VPS13C: variants seen among roughly 807,000 people sequenced by gnomAD.
VPS13C encodes intermembrane lipid transfer protein VPS13C.
A neutral mutation model predicts 456.8 loss-of-function variants in VPS13C; 358 were observed. The observed-to-expected ratio is 0.78, with a 90% CI of 0.72 to 0.86. VPS13C has a LOEUF of 0.86. Ranked by LOEUF, VPS13C falls within the 40% of genes least tolerant of loss-of-function variation. The probability of loss-of-function intolerance (pLI) is 0.00; values close to 1 mark genes in which losing one functional copy is unlikely to be tolerated. For missense variants in VPS13C, 4,818 were observed against 4,385.4 expected (o/e 1.10, Z -2.79); for synonymous variants, 1,578 against 1,486.7 (o/e 1.06, Z -1.41).
At chr15:62,021,038 C>A (rs916003638) in intron 8 of VPS13C, among the ~76,000 whole-genome samples, 1 of 151,778 alleles carries the variant, frequency 6.6e-6, no homozygotes, top group African/African-American at 2.4e-5. Context: ...TGAAACAACC[C>A]AGAAGCAGAA....
intron 9 of VPS13C, among the ~76,000 whole-genome samples, chr15:62,016,861 T>C (rs1311918196): frequency 1.3e-5 from 2 of 152,182 alleles, no homozygotes; most frequent in Non-Finnish European, 2.9e-5. Context: ...TCTTCCACAA[T>C]GGTTGAACTA....
Position 61,949,439 on chromosome 15 carries a change from T to C in VPS13C, c.4759+4A>G. 2.5e-6 allele frequency: 4 copies of C among 1,603,702 alleles called. No individual in the cohort carries two copies. In the South Asian group the frequency reaches 3.4e-5, roughly 14 times the overall value. On this transcript the variant is annotated splice_donor_region_variant and intron_variant, in intron 42 of 84. Coordinates refer to ENST00000644861, the MANE Select transcript of VPS13C (RefSeq NM_020821.3). ...TTATTAGATCATAATTCAAAAATTA[T>C]TACCAGCTTTGACAGCGATACTTCT...
intron 82 of VPS13C, among the ~76,000 whole-genome samples, chr15:61,860,953 C>CTTTTTTTTT (rs781045840): frequency 2.2e-5 from 2 of 89,690 alleles, no homozygotes; most frequent in African/African-American, 4.2e-5. Flanking sequence ...TATTTTCTTT[C>CTTTTTTTTT]TTTTTTTTTT....
chr15:61,908,903 A>G lies in VPS13C; in HGVS notation c.8978+89T>C. ...GTTCCATATCACCTTTCTAAAATCT[A>G]AAAACATTTTGAATATGAAACCAAA... On this transcript the variant is annotated intron_variant, in intron 65 of 84. Transcript: ENST00000644861. 2.0e-6 allele frequency: 3 copies of G among 1,480,152 alleles called. No individual in the cohort carries two copies. In the South Asian group the frequency reaches 4.0e-5, roughly 20 times the overall value. The allele number at this position is 1,480,152 out of a possible 1,614,324, so 91.7% of individuals were successfully genotyped here.
chr15:61,974,288 C>G lies in VPS13C; in HGVS notation c.2538G>C (p.Gln846His), dbSNP rs148595535. Residue 846 changes from glutamine (Q) to histidine (H), a missense_variant and splice_region_variant, in exon 25 of 85, where the codon CAG becomes CAC. This residue lies in a region of VPS13C where 4,552 missense variants were observed against 4,130.6 expected (regional missense o/e 1.10). Transcript: ENST00000644861. ...TATACATTTTATTGTATCTATTTAC[C>G]TGTCTCTCTGGAGACTGGGCTGATG... ...QKSSAQSPER[Q>H]VSSIPIISGG... 3.1e-6 allele frequency: 5 copies of G among 1,609,788 alleles called. No homozygotes were observed. The African/African-American group carries it at 5.3e-5, about 17-fold the overall frequency.
At chr15:62,047,909 A>T (rs2048472729) in intron 1 of VPS13C, among the ~76,000 whole-genome samples, 1 of 152,152 alleles carries the variant, frequency 6.6e-6, no homozygotes, top group South Asian at 2.1e-4. Context: ...GATAAAAAAG[A>T]TTTCATTTTC....
At chr15:61,903,073 C>T (rs1390434900) in intron 66 of VPS13C, among the ~76,000 whole-genome samples, 1 of 151,998 alleles carries the variant, frequency 6.6e-6, no homozygotes, top group East Asian at 1.9e-4. Flanking sequence ...TGCCTGCAAT[C>T]CTAGCACTTT....
chr15:61,967,221 T>C (rs898140566), intron 29 of VPS13C, 147 bp downstream of exon 29: 5 of 654,934 alleles, frequency 7.6e-6, no homozygotes, highest in Non-Finnish European at 1.0e-5. Flanking sequence ...GAAAAGAAGG[T>C]GTACAAATGA....
At chr15:61,913,276 C>A in intron 62 of VPS13C, 35 bp downstream of exon 62, 1 of 1,577,726 alleles carries the variant, frequency 6.3e-7, no homozygotes, top group Non-Finnish European at 8.7e-7. Context: ...CAAAGGTGAA[C>A]GGAATCAAAG....
intron 49 of VPS13C, among the ~76,000 whole-genome samples, chr15:61,931,503 T>C (rs1193024508): frequency 1.3e-5 from 2 of 151,984 alleles, no homozygotes; most frequent in Admixed American, 6.6e-5. Context: ...ATTTATCTGA[T>C]TTACAGTTTA....
Position 61,964,946 on chromosome 15 carries a change from T to C in VPS13C, c.3052-85A>G, listed in dbSNP as rs2045332808. On this transcript the variant is annotated intron_variant, in intron 30 of 84. Transcript: ENST00000644861. ...ACGACAGACCCAAAAGATTCTCAGG[T>C]GGGCTTACATCATTGCTTTCCACCA... 11 of 1,279,096 alleles carry C rather than the reference T, an allele frequency of 8.6e-6. 1 individual carries two copies. The Middle Eastern group carries it at 6.2e-4, about 72-fold the overall frequency. The allele number at this position is 1,279,096 out of a possible 1,614,324, so 79.2% of individuals were successfully genotyped here. A position where few individuals can be genotyped will look rare whatever the true frequency, so the allele number is the denominator to read the frequency against.
intron 64 of VPS13C, 148 bp from the exon 65 acceptor site, chr15:61,909,273 T>C (rs2140140790): frequency 2.1e-6 from 2 of 948,370 alleles, no homozygotes; most frequent in Non-Finnish European, 1.5e-6. Flanking sequence ...AGTGGCGCCA[T>C]CTCGGGTTAC....
chr15:62,044,403 A>T, intron 1 of VPS13C, 148 bp from the exon 2 acceptor site: 1 of 493,948 alleles, frequency 2.0e-6, no homozygotes, highest in Non-Finnish European at 3.6e-6. Flanking sequence ...CCCGGCACAA[A>T]ATAGTTGCTA....
At chr15:62,037,588 C>A (rs1029488724) in intron 3 of VPS13C, among the ~76,000 whole-genome samples, 1 of 134,752 alleles carries the variant, frequency 7.4e-6, no homozygotes, top group African/African-American at 2.6e-5. Flanking sequence ...CAATTTCAAT[C>A]TATGTTCCAA....
chr15:62,032,129 T>A (rs545729422), intron 5 of VPS13C, among the ~76,000 whole-genome samples: 1 of 151,828 alleles, frequency 6.6e-6, no homozygotes, highest in East Asian at 1.9e-4. Context: ...ATGATGAATA[T>A]ACATATGTTA....
intron 16 of VPS13C, among the ~76,000 whole-genome samples, chr15:61,999,305 G>A (rs901859475): frequency 6.6e-6 from 1 of 151,886 alleles, no homozygotes; most frequent in African/African-American, 2.4e-5. Context: ...CTTGAAACCT[G>A]GGAGGTAGAG....
rs774461555 is a variant in VPS13C, at chr15:61,919,496, A to G, written c.7478-47T>C. On this transcript the variant is annotated intron_variant, in intron 57 of 84. Transcript: ENST00000644861. ...AAGAATTCCAAATATTAATTTGCCA[A>G]TGTTTCTCTATAACAATCATTAGTA... The G allele has an allele frequency of 6.2e-6, 9 of 1,445,758 alleles. 1 individual carries two copies. In the Admixed American group the frequency reaches 2.2e-4, roughly 36 times the overall value. 89.6% of individuals were successfully genotyped at this position (1,445,758 alleles called of 1,614,324 possible).
intron 66 of VPS13C, 35 bp from the exon 67 acceptor site, chr15:61,890,435 T>A (rs745875284): frequency 4.4e-5 from 68 of 1,553,182 alleles, no homozygotes; most frequent in Admixed American, 7.0e-5. Flanking sequence ...AACCCACACA[T>A]AGTAACTTGT....
rs78768108 is a variant in VPS13C at position 61,864,077 on chromosome 15, G to C, written c.10864-549C>G. 8.1e-3 allele frequency: 1,260 copies of C among 155,276 alleles called. 14 individuals carry two copies. Among genetic ancestry groups the C allele is most frequent in the African/African-American group, 0.029 (1,191 of 41,558 alleles). 9.6% of individuals were successfully genotyped at this position (155,276 alleles called of 1,614,324 possible). A position where few individuals can be genotyped will look rare whatever the true frequency, so the allele number is the denominator to read the frequency against. On this transcript the variant is annotated intron_variant, in intron 81 of 84. Transcript: ENST00000644861. The stretch of plus-strand genomic sequence containing the variant: ...ACCACTGGTTTACATAGAGGTATTA[G>C]TAGATATTATACACATAATAAAATT...
Sources: allele counts gnomAD v4.1 joint callset (sites outside exome capture counted in the v4.1 genomes callset), GRCh38; gene constraint gnomAD v4.1.1; regional missense constraint gnomAD v4.1.1; transcripts MANE v1.5; gene names NCBI Gene and HGNC (gene_info 2026-07-23, HGNC 2026-07-21).